The following AGAP1 variants were observed in gnomAD, a reference collection of about 807,000 sequenced individuals.
The protein encoded by AGAP1 is arf-GAP with GTPase, ANK repeat and PH domain-containing protein 1.
AGAP1 carries 29 observed loss-of-function variants against 105.3 expected under a neutral mutation model. That is an observed-to-expected ratio of 0.28 (90% confidence interval 0.21 to 0.38). The LOEUF is 0.38. Ranked by LOEUF, AGAP1 falls within the 10% of genes least tolerant of loss-of-function variation. AGAP1 has a pLI of 1.00. For synonymous variants in AGAP1, 509 were observed against 485.9 expected (o/e 1.05, Z -0.63); for missense variants, 998 against 1,165.1 (o/e 0.86, Z 2.09).
Position 235,551,464 on chromosome 2 carries a change from C to A in AGAP1, c.163+56615C>A, listed in dbSNP as rs532185693. ...GGGACTACAGGTGCGCAGCACCACA[C>A]CTGGCTGATTTTTTTTGTAGAGACG... On this transcript the variant is annotated intron_variant, in intron 1 of 17. Transcript: ENST00000304032. The surrounding 1 kb of genome is among the most constrained non-coding windows in gnomAD (Gnocchi z 4.8). 2.1e-5 allele frequency among the ~76,000 whole-genome samples: 3 copies of A among 142,648 alleles called. No homozygotes were observed. The highest frequency in any genetic ancestry group is 8.1e-5 in the African/African-American group (3 of 37,150). 93.6% of individuals were successfully genotyped at this position (142,648 alleles called of 152,430 possible).
intron 1 of AGAP1, among the ~76,000 whole-genome samples, chr2:235,674,494 C>T (rs940274553): frequency 2.6e-5 from 4 of 152,178 alleles, no homozygotes; most frequent in African/African-American, 9.7e-5. Context: ...CCAGAACATT[C>T]GGTGTCTTTA....
intron 1 of AGAP1, among the ~76,000 whole-genome samples, chr2:235,685,038 TGA>T (rs1192667868): frequency 6.6e-6 from 1 of 151,924 alleles, no homozygotes; most frequent in East Asian, 1.9e-4. Flanking sequence ...CCAGGGGTTG[TGA>T]GAGTCAGGGG....
rs1371192653 is a variant in AGAP1 at position 235,994,837 on chromosome 2, C to T, written c.1645+26214C>T. 2.0e-5 allele frequency among the ~76,000 whole-genome samples: 3 copies of T among 150,492 alleles called. No individual in the cohort carries two copies. The highest frequency in any genetic ancestry group is 4.9e-5 in the African/African-American group (2 of 41,018). ...ATCCTAGCACTTTGGGAGGCCGAGG[C>T]GGGCGGATCACGAGGTCAGGAGTTT... On this transcript the variant is annotated intron_variant, in intron 13 of 17. Coordinates refer to ENST00000304032, the MANE Select transcript of AGAP1 (RefSeq NM_001037131.3). The surrounding 1 kb of genome is among the most constrained non-coding windows in gnomAD (Gnocchi z 4.4).
chr2:235,522,946 G>A (rs1942678614), intron 1 of AGAP1, among the ~76,000 whole-genome samples: 1 of 152,178 alleles, frequency 6.6e-6, no homozygotes, highest in Admixed American at 6.5e-5. Flanking sequence ...ATGCCACCAG[G>A]ATGTCTTAGC....
At chr2:236,072,460 A>C in intron 16 of AGAP1, 1 of 150,748 alleles carries the variant, frequency 6.6e-6, no homozygotes, top group African/African-American at 2.4e-5. Context: ...AAAAAAAGAG[A>C]TAGGGTCTCA....
At chr2:236,049,395 G>C (rs989042350) in intron 16 of AGAP1, 114 bp downstream of exon 16, 3 of 948,934 alleles carry the variant, frequency 3.2e-6, no homozygotes, top group Non-Finnish European at 4.7e-6. Flanking sequence ...GTAGGAATTC[G>C]GGAATTCCGA....
Position 235,875,111 on chromosome 2 carries a change from C to G in AGAP1, c.1051-8234C>G, listed in dbSNP as rs1490408917. Among the ~76,000 whole-genome samples the G allele has an allele frequency of 1.3e-5, 2 of 152,130 alleles. No individual in the cohort carries two copies. Among genetic ancestry groups the G allele is most frequent in the African/African-American group, 4.8e-5 (2 of 41,430 alleles). On this transcript the variant is annotated intron_variant, in intron 9 of 17. Coordinates refer to ENST00000304032, the MANE Select transcript of AGAP1 (RefSeq NM_001037131.3). This position sits in a 1 kb window ranked among gnomAD's most constrained non-coding sequence, Gnocchi z 4.0. The stretch of plus-strand genomic sequence containing the variant: ...GGAGAGAGCCCTGTCACCCCCTCTC[C>G]CCCATCTGCCCTTGCTGCAAGGAGG...
chr2:235,750,496 C>G lies in AGAP1; in HGVS notation c.673+8C>G. 1 of 1,613,972 alleles carries G rather than the reference C, an allele frequency of 6.2e-7. No individual in the cohort carries two copies. The highest frequency in any genetic ancestry group is 8.5e-7 in the Non-Finnish European group (1 of 1,179,902). ...AGAGGGTCTTCCAGGACGGTAAATG[C>G]GCGTGGCTGGGAGTTTAATTTCAGT... is the stretch of plus-strand genomic sequence containing the variant. On this transcript the variant is annotated splice_region_variant and intron_variant, in intron 6 of 17. Transcript: ENST00000304032. This position sits in a 1 kb window ranked among gnomAD's most constrained non-coding sequence, Gnocchi z 5.3.
rs1944777629 is a variant in AGAP1, at chr2:235,577,622, C to T, written c.163+82773C>T. ...GTGGCTGCCTGACTACATGGTTCTT[C>T]CCCCGGTTATTTTTGTTTGGGCAGT... is the stretch of plus-strand genomic sequence containing the variant. On this transcript the variant is annotated intron_variant, in intron 1 of 17. Transcript: ENST00000304032. The surrounding 1 kb of genome is among the most constrained non-coding windows in gnomAD (Gnocchi z 4.5). 1.3e-5 allele frequency among the ~76,000 whole-genome samples: 2 copies of T among 152,056 alleles called. No homozygotes were observed. Among genetic ancestry groups the T allele is most frequent in the African/African-American group, 4.8e-5 (2 of 41,380 alleles).
Position 235,979,782 on chromosome 2 carries a change from A to G in AGAP1, c.1645+11159A>G, listed in dbSNP as rs979266329. 6.6e-6 allele frequency among the ~76,000 whole-genome samples: 1 copy of G among 152,202 alleles called. No homozygotes were observed. Among genetic ancestry groups the G allele is most frequent in the Admixed American group, 6.5e-5 (1 of 15,284 alleles). ...GTATCAGAGTTCATGAAAAGTGCCT[A>G]CTGCACACAGTTTAATTCTATTTAA... On this transcript the variant is annotated intron_variant, in intron 13 of 17. Coordinates refer to ENST00000304032, the MANE Select transcript of AGAP1 (RefSeq NM_001037131.3). This position sits in a 1 kb window ranked among gnomAD's most constrained non-coding sequence, Gnocchi z 4.5.
intron 1 of AGAP1, among the ~76,000 whole-genome samples, chr2:235,640,643 G>C (rs999171502): frequency 6.6e-6 from 1 of 152,154 alleles, no homozygotes; most frequent in Non-Finnish European, 1.5e-5. Context: ...AATGGGGCTG[G>C]CCTCCCTCTC....
At chr2:235,929,375 C>T (rs932637265) in intron 11 of AGAP1, among the ~76,000 whole-genome samples, 13 of 152,114 alleles carry the variant, frequency 8.5e-5, no homozygotes, top group Admixed American at 6.5e-4. Context: ...TGTGGCTTTC[C>T]GATCCTTCCT....
At chr2:235,926,990 A>G (rs958878056) in intron 11 of AGAP1, among the ~76,000 whole-genome samples, 1 of 152,224 alleles carries the variant, frequency 6.6e-6, no homozygotes, top group African/African-American at 2.4e-5. Context: ...GAAAAAAATG[A>G]TCAACTAAGT....
At chr2:235,686,409 A>G (rs1575125652) in intron 1 of AGAP1, among the ~76,000 whole-genome samples, 1 of 151,894 alleles carries the variant, frequency 6.6e-6, no homozygotes, top group Admixed American at 6.6e-5. Flanking sequence ...TGTCTCCCAG[A>G]ATAAAAACTC....
At chr2:235,848,267 A>T (rs955845420) in intron 9 of AGAP1, among the ~76,000 whole-genome samples, 17 of 152,172 alleles carry the variant, frequency 1.1e-4, no homozygotes, top group African/African-American at 3.9e-4. Flanking sequence ...CCGTCCACCT[A>T]TTAGAGCCAC....
chr2:235,987,425 TTTG>T (rs1206757419), intron 13 of AGAP1, among the ~76,000 whole-genome samples: 1 of 152,068 alleles, frequency 6.6e-6, no homozygotes, highest in Non-Finnish European at 1.5e-5. Context: ...GTCTATCTAT[TTTG>T]TTAATTTTTT....
At position 235,889,049 on chromosome 2, in the gene AGAP1, A is replaced by G. The variant is rs574131204; in HGVS notation, c.1155+5600A>G. Among the ~76,000 whole-genome samples the G allele has an allele frequency of 6.6e-6, 1 of 152,342 alleles. No individual in the cohort carries two copies. Among genetic ancestry groups the G allele is most frequent in the East Asian group, 1.9e-4 (1 of 5,184 alleles). On this transcript the variant is annotated intron_variant, in intron 10 of 17. Transcript: ENST00000304032. The surrounding 1 kb of genome is among the most constrained non-coding windows in gnomAD (Gnocchi z 4.6). ...TATCTGAACACAGTTTGCTTATTGC[A>G]CAAGTGTCCACGGAAGTGTTTGTGT...
chr2:235,923,979 T>C (rs969275430), intron 11 of AGAP1, among the ~76,000 whole-genome samples: 10 of 150,922 alleles, frequency 6.6e-5, no homozygotes, highest in Non-Finnish European at 1.5e-4. Flanking sequence ...AGCCCCGAGC[T>C]TAGGAAACCC....
At chr2:235,821,397 T>C (rs944652148) in intron 9 of AGAP1, among the ~76,000 whole-genome samples, 4 of 151,292 alleles carry the variant, frequency 2.6e-5, no homozygotes, top group African/African-American at 9.7e-5. Context: ...TTTTTTTTTT[T>C]TTTTGAGACG....
Sources: gnomAD v4.1 joint callset for allele counts (sites outside exome capture counted in the v4.1 genomes callset) on GRCh38, gnomAD v4.1.1 for gene constraint, Gnocchi (gnomAD v3.1) non-coding constraint, MANE v1.5 for transcripts, NCBI Gene and HGNC (gene_info 2026-07-23, HGNC 2026-07-21) for gene names.